The following TGIF1 variants were observed in gnomAD, a reference collection of about 807,000 sequenced individuals.
TGIF1 encodes homeobox protein TGIF1.
TGIF1 carries 4 observed loss-of-function variants against 19.3 expected under a neutral mutation model. The ratio of observed to expected loss-of-function variants is 0.21; its 90% CI spans 0.10 to 0.47. The LOEUF (loss-of-function observed/expected upper bound fraction) is 0.47, where lower values mean the gene tolerates loss of function less well. Ranked by LOEUF, TGIF1 falls within the 20% of genes least tolerant of loss-of-function variation. The pLI is 0.98. For missense variants in TGIF1, 275 were observed against 341.4 expected (o/e 0.81, Z 1.53); for synonymous variants, 122 against 129.3 (o/e 0.94, Z 0.38).
chr18:3,438,942 C>G (rs1223101853), intron 2 of TGIF1, among the ~76,000 whole-genome samples: 1 of 152,068 alleles, frequency 6.6e-6, no homozygotes, highest in African/African-American at 2.4e-5. Flanking sequence ...ATTGTATAAA[C>G]ATAGGAATAT....
intron 2 of TGIF1, among the ~76,000 whole-genome samples, chr18:3,426,339 T>G (rs568259226): frequency 4.0e-4 from 61 of 152,110 alleles, no homozygotes; most frequent in African/African-American, 1.4e-3. Context: ...TAGCTGATTT[T>G]TGTGTTTTGT....
intron 2 of TGIF1, among the ~76,000 whole-genome samples, chr18:3,431,228 C>A (rs913317145): frequency 1.3e-5 from 2 of 152,160 alleles, no homozygotes; most frequent in African/African-American, 4.8e-5. Flanking sequence ...AGGCGGATAA[C>A]CTGAGGTCAG....
rs34622075 is a variant in TGIF1, at chr18:3,458,204, AT to A, written c.*274del. On this transcript the variant is annotated 3_prime_UTR_variant, in exon 3 of 3. Transcript: ENST00000343820. ...GTGAGATGGTTCCCAATATCATGTG[AT>A]TTTTTTTTTCCTCCCCTTCCCTTTT... The A allele has an allele frequency of 0.17, 69,257 of 403,716 alleles. 7,055 individuals carry two copies. Among genetic ancestry groups the A allele is most frequent in the African/African-American group, 0.37 (17,630 of 47,850 alleles). The allele number at this position is 403,716 out of a possible 1,614,324, so 25.0% of individuals were successfully genotyped here.
chr18:3,437,707 C>G (rs1314675166), intron 2 of TGIF1, among the ~76,000 whole-genome samples: 1 of 152,148 alleles, frequency 6.6e-6, no homozygotes, highest in East Asian at 1.9e-4. Flanking sequence ...CTTGGAAACT[C>G]AGCAAAATGA....
chr18:3,420,789 G>A (rs927205322), intron 2 of TGIF1, among the ~76,000 whole-genome samples: 1 of 152,198 alleles, frequency 6.6e-6, no homozygotes, highest in Non-Finnish European at 1.5e-5. Flanking sequence ...TCTAGGAGGG[G>A]TGTTTAAGAA....
chr18:3,430,841 T>C (rs2082537986), intron 2 of TGIF1, among the ~76,000 whole-genome samples: 1 of 152,086 alleles, frequency 6.6e-6, no homozygotes, highest in Non-Finnish European at 1.5e-5. Context: ...GTAAATATAA[T>C]AGATATAGTC....
At chr18:3,450,061 C>A, upstream of TGIF1, 1 of 1,014,776 alleles carries the variant, frequency 9.9e-7, no homozygotes, top group African/African-American at 1.7e-5. Flanking sequence ...CCAGTCTTCC[C>A]GGCTGGAAGG....
At chr18:3,429,053 CA>C (rs796280367) in intron 2 of TGIF1, among the ~76,000 whole-genome samples, 62 of 145,254 alleles carry the variant, frequency 4.3e-4, no homozygotes, top group Admixed American at 4.8e-4. Flanking sequence ...ACTCCGTCTC[CA>C]AAAAAAAAAA....
upstream of TGIF1, among the ~76,000 whole-genome samples, chr18:3,446,876 T>G (rs542832863): frequency 1.2e-4 from 19 of 152,348 alleles, no homozygotes; most frequent in Admixed American, 6.5e-4. Context: ...ATCCAATGAC[T>G]GGGTGAGTCA....
chr18:3,458,931 T>C lies in TGIF1; in HGVS notation c.*991T>C, dbSNP rs2049446157. 1 of 152,222 alleles carries C rather than the reference T, an allele frequency of 6.6e-6. No homozygotes were observed. The allele number at this position is 152,222 out of a possible 1,614,324, so 9.4% of individuals were successfully genotyped here. ...ATCTCAAAAGTGTTTTCTAAAATGATGAAATAAACGGTGGGGTTCTGTCTA... is the reference window on the plus strand; with the variant it reads ...ATCTCAAAAGTGTTTTCTAAAATGACGAAATAAACGGTGGGGTTCTGTCTA... On this transcript the variant is annotated 3_prime_UTR_variant, in exon 3 of 3. Transcript: ENST00000343820.
At chr18:3,418,987 G>A (rs2082367044) in intron 2 of TGIF1, 1 of 152,182 alleles carries the variant, frequency 6.6e-6, no homozygotes, top group Non-Finnish European at 1.5e-5. Flanking sequence ...GAACCTGGGA[G>A]GCCAAGGTTG....
At chr18:3,431,263 A>G (rs1304184306) in intron 2 of TGIF1, among the ~76,000 whole-genome samples, 1 of 152,162 alleles carries the variant, frequency 6.6e-6, no homozygotes, top group Non-Finnish European at 1.5e-5. Flanking sequence ...CCTGACCAAC[A>G]TAGTGAAACT....
At chr18:3,445,755 A>AG (rs2082735537), upstream of TGIF1, among the ~76,000 whole-genome samples, 1 of 56,778 alleles carries the variant, frequency 1.8e-5, no homozygotes, top group South Asian at 6.3e-4. Flanking sequence ...AAAAAAAAAG[A>AG]GAAGAAAAGC....
intron 1 of TGIF1, among the ~76,000 whole-genome samples, chr18:3,452,892 A>G (rs1018947520): frequency 5.3e-5 from 8 of 152,164 alleles, no homozygotes; most frequent in Non-Finnish European, 1.0e-4. Flanking sequence ...CCTCCCAGAA[A>G]GCTGAGAGTG....
Position 3,450,211 on chromosome 18 carries a change from A to C in TGIF1, c.-279A>C. The C allele has an allele frequency of 4.3e-6, 6 of 1,380,574 alleles. No individual in the cohort carries two copies. Among genetic ancestry groups the C allele is most frequent in the Admixed American group, 3.0e-5 (1 of 32,864 alleles). 85.5% of individuals were successfully genotyped at this position (1,380,574 alleles called of 1,614,324 possible). A position where few individuals can be genotyped will look rare whatever the true frequency, so the allele number is the denominator to read the frequency against. On this transcript the variant is annotated 5_prime_UTR_variant, in exon 1 of 3. Transcript: ENST00000343820. ...GAGGTGCGCCGAGCAGGAGCAGGGAACAAAGGAGCGGAGAGGGGAGGGGAG... is the reference window on the plus strand; with the variant it reads ...GAGGTGCGCCGAGCAGGAGCAGGGACCAAAGGAGCGGAGAGGGGAGGGGAG...
rs1287104712 is a variant in TGIF1 at position 3,452,064 on chromosome 18, C to T, written c.16+1559C>T. ...CGGCGGGGGCGGCTCTGATTCCTTT[C>T]CATGGCCCGCCTCCCACCCCGGGAA... On this transcript the variant is annotated intron_variant, in intron 1 of 2. Coordinates refer to ENST00000343820, the MANE Select transcript of TGIF1 (RefSeq NM_003244.4). 3 of 1,613,818 alleles carry T rather than the reference C, an allele frequency of 1.9e-6. No individual in the cohort carries two copies. The African/African-American group carries it at 4.0e-5, about 22-fold the overall frequency.
chr18:3,433,416 A>C (rs1023995133), intron 2 of TGIF1, among the ~76,000 whole-genome samples: 4 of 152,202 alleles, frequency 2.6e-5, no homozygotes, highest in African/African-American at 9.7e-5. Flanking sequence ...TAAGATTAAA[A>C]ATTACAAGAC....
intron 2 of TGIF1, among the ~76,000 whole-genome samples, chr18:3,421,936 G>A (rs920419718): frequency 2.6e-5 from 4 of 151,776 alleles, no homozygotes; most frequent in Non-Finnish European, 5.9e-5. Context: ...GCTCACGCCT[G>A]TAATCCCAGC....
intron 2 of TGIF1, among the ~76,000 whole-genome samples, chr18:3,442,171 T>C (rs1273742410): frequency 4.6e-5 from 7 of 152,224 alleles, no homozygotes; most frequent in African/African-American, 1.7e-4. Flanking sequence ...TGTCTCTCAG[T>C]AGGGTTTTAA....
Sources: allele counts gnomAD v4.1 joint callset (sites outside exome capture counted in the v4.1 genomes callset), GRCh38; gene constraint gnomAD v4.1.1; transcripts MANE v1.5; gene names NCBI Gene and HGNC (gene_info 2026-07-23, HGNC 2026-07-21).